The following NDRG1 variants were observed in gnomAD, a reference collection of about 807,000 sequenced individuals.
NDRG1 encodes protein NDRG1.
In NDRG1, 32 loss-of-function variants were observed where a neutral mutation model predicts 56.9. That is an observed-to-expected ratio of 0.56 (90% CI 0.42 to 0.76). The LOEUF is 0.76. Ranked by LOEUF, NDRG1 falls within the 30% of genes least tolerant of loss-of-function variation. NDRG1 has a pLI of 0.00. For synonymous variants in NDRG1, 211 were observed against 204.1 expected (o/e 1.03, Z -0.29); for missense variants, 507 against 545.7 (o/e 0.93, Z 0.71).
In NDRG1 at chr8:133,238,658, A is replaced by C; in HGVS notation, c.*220T>G. The C allele has an allele frequency of 1.7e-6, 1 of 603,618 alleles. No homozygotes were observed. The highest frequency in any genetic ancestry group is 2.8e-5 in the East Asian group (1 of 35,654). The allele number at this position is 603,618 out of a possible 1,614,324, so 37.4% of individuals were successfully genotyped here. ...GTTAATGGAAGAGGATGCGATGCGG[A>C]GATGCTTGCTTCCTTCCTTTGGTCC... On this transcript the variant is annotated 3_prime_UTR_variant, in exon 16 of 16. Coordinates refer to ENST00000323851, the MANE Select transcript of NDRG1 (RefSeq NM_006096.4).
intron 6 of NDRG1, 79 bp downstream of exon 6, chr8:133,259,089 G>T: frequency 6.7e-7 from 1 of 1,489,670 alleles, no homozygotes; most frequent in Non-Finnish European, 9.4e-7. Context: ...GGTCAGTCCA[G>T]ATCAAAGCCA....
intron 13 of NDRG1, 98 bp from the exon 14 acceptor site, chr8:133,244,488 C>T: frequency 7.2e-7 from 1 of 1,383,368 alleles, no homozygotes; most frequent in Admixed American, 1.9e-5. Flanking sequence ...GCCCGCTGCC[C>T]TGCCCTGCCT....
intron 7 of NDRG1, among the ~76,000 whole-genome samples, chr8:133,258,063 C>G (rs751274528): frequency 6.6e-6 from 1 of 152,142 alleles, no homozygotes; most frequent in African/African-American, 2.4e-5. Context: ...ACCTGTACAG[C>G]TGTTACAAAG....
chr8:133,296,704 C>CA (rs1312928510), intron 1 of NDRG1: 1 of 228,050 alleles, frequency 4.4e-6, no homozygotes, highest in East Asian at 1.8e-4. Flanking sequence ...GACACACACA[C>CA]ACACACACAC....
chr8:133,270,690 C>A (rs1857144546), intron 3 of NDRG1, among the ~76,000 whole-genome samples: 1 of 152,196 alleles, frequency 6.6e-6, no homozygotes, highest in South Asian at 2.1e-4. Context: ...CAGTAGGAAG[C>A]TGTAAGGACT....
At chr8:133,268,720 C>T (rs1018806246) in intron 3 of NDRG1, among the ~76,000 whole-genome samples, 4 of 152,148 alleles carry the variant, frequency 2.6e-5, no homozygotes, top group Non-Finnish European at 5.9e-5. Context: ...GAACTCTCTC[C>T]GCTGGGCCCT....
chr8:133,254,470 C>T (rs1219415397), intron 9 of NDRG1, 69 bp downstream of exon 9: 27 of 1,553,524 alleles, frequency 1.7e-5, no homozygotes, highest in South Asian at 3.4e-5. Flanking sequence ...CCACATGGGG[C>T]CCTGTGCTGA....
intron 10 of NDRG1, 42 bp from the exon 11 acceptor site, chr8:133,248,813 CT>C: frequency 6.2e-7 from 1 of 1,612,038 alleles, no homozygotes. Flanking sequence ...GACCCCTCCC[CT>C]GGAGAAATCT....
intron 6 of NDRG1, 81 bp from the exon 7 acceptor site, chr8:133,258,507 G>T: frequency 7.1e-7 from 1 of 1,410,204 alleles, no homozygotes; most frequent in Non-Finnish European, 9.9e-7. Flanking sequence ...ACTTCCTGAG[G>T]GTGACCGCCT....
At chr8:133,283,740 C>G (rs1295383970) in intron 2 of NDRG1, among the ~76,000 whole-genome samples, 1 of 152,210 alleles carries the variant, frequency 6.6e-6, no homozygotes, top group Non-Finnish European at 1.5e-5. Context: ...GAGAGGTTAG[C>G]AAGTGGACAC....
chr8:133,259,522 A>T, intron 5 of NDRG1: 1 of 468,384 alleles, frequency 2.1e-6, no homozygotes, highest in South Asian at 2.1e-5. Flanking sequence ...GATTATAAAC[A>T]TCACTGAGGC....
intron 5 of NDRG1, among the ~76,000 whole-genome samples, chr8:133,260,620 C>T (rs1043670649): frequency 2.6e-5 from 4 of 152,212 alleles, no homozygotes; most frequent in Admixed American, 2.6e-4. Flanking sequence ...TTTACGGACA[C>T]ACCTCTGGCT....
intron 15 of NDRG1, 70 bp downstream of exon 15, chr8:133,241,953 G>T: frequency 6.4e-7 from 1 of 1,572,160 alleles, no homozygotes; most frequent in Non-Finnish European, 8.8e-7. Flanking sequence ...TCCAAACCTG[G>T]CTCAGGACAG....
intron 13 of NDRG1, 75 bp downstream of exon 13, chr8:133,246,541 T>C: frequency 6.8e-7 from 1 of 1,473,738 alleles, no homozygotes; most frequent in Middle Eastern, 1.7e-4. Context: ...TTTTCAAGCC[T>C]AACTCAATGT....
At chr8:133,276,199 C>A (rs1255190886) in intron 3 of NDRG1, among the ~76,000 whole-genome samples, 1 of 152,194 alleles carries the variant, frequency 6.6e-6, no homozygotes, top group African/African-American at 2.4e-5. Flanking sequence ...TCCTAAGGGG[C>A]AGCGCCTTAG....
rs532567677 is a variant in NDRG1 at position 133,286,618 on chromosome 8, C to T, written c.-18-2289G>A. ...ATCTGCTTTTGGGAGCTGGTGGGGCCTTCTCTGACCCAGCCCCCTCACTGC... is the reference window on the plus strand; with the variant it reads ...ATCTGCTTTTGGGAGCTGGTGGGGCTTTCTCTGACCCAGCCCCCTCACTGC... On this transcript the variant is annotated intron_variant, in intron 1 of 15. Transcript: ENST00000323851. 4.6e-5 allele frequency among the ~76,000 whole-genome samples: 7 copies of T among 152,298 alleles called. No individual in the cohort carries two copies. In the East Asian group the frequency reaches 1.4e-3, roughly 29 times the overall value.
At chr8:133,264,523 G>GA in intron 4 of NDRG1, 24 bp downstream of exon 4, 1 of 1,605,586 alleles carries the variant, frequency 6.2e-7, no homozygotes, top group Non-Finnish European at 8.5e-7. Context: ...GGCTGACAGG[G>GA]AATCAGAGCT....
At chr8:133,276,482 C>A (rs1477450713) in intron 3 of NDRG1, among the ~76,000 whole-genome samples, 1 of 152,192 alleles carries the variant, frequency 6.6e-6, no homozygotes. Context: ...CTCCCATAAT[C>A]CCCACGTGTC....
intron 15 of NDRG1, chr8:133,240,670 C>A (rs1365226948): frequency 1.3e-5 from 2 of 152,168 alleles, no homozygotes; most frequent in African/African-American, 4.8e-5. Flanking sequence ...CTGTTATTTT[C>A]CCCCCAAGAC....
Sources: gnomAD v4.1 joint callset for allele counts (sites outside exome capture counted in the v4.1 genomes callset) on GRCh38, gnomAD v4.1.1 for gene constraint, MANE v1.5 for transcripts, NCBI Gene and HGNC (gene_info 2026-07-23, HGNC 2026-07-21) for gene names.